The following CDKAL1 variants were observed in gnomAD, a reference collection of about 807,000 sequenced individuals.
The protein encoded by CDKAL1 is CDKAL1 threonylcarbamoyladenosine tRNA methylthiotransferase.
In CDKAL1, 32 loss-of-function variants were observed where a neutral mutation model predicts 68.2. The ratio of observed to expected loss-of-function variants is 0.47; its 90% CI spans 0.35 to 0.63. The LOEUF (loss-of-function observed/expected upper bound fraction) is 0.63, where lower values mean the gene tolerates loss of function less well. Ranked by LOEUF, CDKAL1 falls within the 30% of genes least tolerant of loss-of-function variation. CDKAL1 has a pLI of 0.00. For missense variants in CDKAL1, 606 were observed against 696.7 expected (o/e 0.87, Z 1.47); for synonymous variants, 234 against 244.3 (o/e 0.96, Z 0.39).
chr6:20,840,778 A>C (rs759879346), intron 8 of CDKAL1, among the ~76,000 whole-genome samples: 1 of 152,230 alleles, frequency 6.6e-6, no homozygotes, highest in African/African-American at 2.4e-5. Context: ...TGAAAGATCA[A>C]AAAGTAATTT....
At chr6:20,639,227 C>G (rs1768050300) in intron 4 of CDKAL1, among the ~76,000 whole-genome samples, 1 of 152,172 alleles carries the variant, frequency 6.6e-6, no homozygotes, top group South Asian at 2.1e-4. Flanking sequence ...GTTTCCTCAT[C>G]TTATTTCTAT....
At chr6:21,207,122 A>G (rs1778971600) in intron 15 of CDKAL1, among the ~76,000 whole-genome samples, 1 of 152,116 alleles carries the variant, frequency 6.6e-6, no homozygotes, top group Non-Finnish European at 1.5e-5. Context: ...CATGTTGGCC[A>G]GGCTGCTCTC....
At chr6:20,890,087 A>G (rs1046523579) in intron 9 of CDKAL1, among the ~76,000 whole-genome samples, 3 of 152,186 alleles carry the variant, frequency 2.0e-5, no homozygotes, top group African/African-American at 7.2e-5. Context: ...TCCATCAAAT[A>G]AAAACTTCTA....
At chr6:20,857,039 C>G (rs1296028375) in intron 9 of CDKAL1, among the ~76,000 whole-genome samples, 1 of 152,096 alleles carries the variant, frequency 6.6e-6, no homozygotes, top group East Asian at 1.9e-4. Context: ...GTAAGGCGAG[C>G]AAAATTTCCT....
chr6:20,803,968 T>C (rs898837495), intron 8 of CDKAL1, among the ~76,000 whole-genome samples: 1 of 152,024 alleles, frequency 6.6e-6, no homozygotes, highest in Non-Finnish European at 1.5e-5. Flanking sequence ...ATTTTCATTA[T>C]TTTTGGTCCT....
chr6:20,922,644 C>T (rs541787938), intron 9 of CDKAL1, among the ~76,000 whole-genome samples: 1 of 152,292 alleles, frequency 6.6e-6, no homozygotes, highest in Admixed American at 6.5e-5. Flanking sequence ...AGTCAAACGA[C>T]TCGTGTGTTT....
chr6:21,107,595 T>A (rs1358844388), intron 12 of CDKAL1, among the ~76,000 whole-genome samples: 1 of 151,140 alleles, frequency 6.6e-6, no homozygotes, highest in African/African-American at 2.4e-5. Flanking sequence ...ACCCAGCTAA[T>A]TTTTTTTTGT....
chr6:20,548,408 C>T (rs1227013947), intron 3 of CDKAL1, among the ~76,000 whole-genome samples, 185 bp from the exon 4 acceptor site: 3 of 151,950 alleles, frequency 2.0e-5, no homozygotes, highest in African/African-American at 7.3e-5. Context: ...TGGTGCATGA[C>T]TGTAGTCCCA....
intron 12 of CDKAL1, among the ~76,000 whole-genome samples, chr6:21,067,816 A>T (rs140929363): frequency 1.3e-5 from 2 of 152,248 alleles, no homozygotes; most frequent in East Asian, 3.9e-4. Context: ...TAAATTTGCA[A>T]TCCCAACAAC....
intron 15 of CDKAL1, among the ~76,000 whole-genome samples, chr6:21,203,002 G>T (rs890286920): frequency 1.3e-5 from 2 of 152,048 alleles, no homozygotes; most frequent in Non-Finnish European, 1.5e-5. Context: ...TAGGAATATT[G>T]ATTTGGGTAT....
chr6:20,589,727 C>T (rs189396308), intron 4 of CDKAL1, among the ~76,000 whole-genome samples: 2 of 152,186 alleles, frequency 1.3e-5, no homozygotes, highest in East Asian at 3.9e-4. Context: ...TAGTTTTTCT[C>T]ATATTTCAGT....
intron 10 of CDKAL1, among the ~76,000 whole-genome samples, chr6:20,990,769 G>GTCTTAT (rs1766748734): frequency 1.3e-5 from 2 of 152,184 alleles, no homozygotes; most frequent in Admixed American, 1.3e-4. Flanking sequence ...TATGTTTCTG[G>GTCTTAT]TCTTATTCTA....
chr6:21,021,341 T>G (rs1462528001), intron 11 of CDKAL1, among the ~76,000 whole-genome samples: 1 of 152,230 alleles, frequency 6.6e-6, no homozygotes, highest in East Asian at 1.9e-4. Flanking sequence ...AAATGATTGC[T>G]GCTACTTTTT....
intron 11 of CDKAL1, among the ~76,000 whole-genome samples, chr6:21,008,732 A>G (rs1475742575): frequency 6.6e-6 from 1 of 152,112 alleles, no homozygotes; most frequent in Non-Finnish European, 1.5e-5. Flanking sequence ...ACAACTCTGC[A>G]CCGTATATAT....
At chr6:20,618,066 T>A (rs1036482960) in intron 4 of CDKAL1, among the ~76,000 whole-genome samples, 23 of 152,182 alleles carry the variant, frequency 1.5e-4, no homozygotes. Context: ...CTCCACATCC[T>A]CTCTGGCATC....
intron 15 of CDKAL1, among the ~76,000 whole-genome samples, chr6:21,224,471 GCC>G (rs1779656237): frequency 6.6e-6 from 1 of 152,064 alleles, no homozygotes; most frequent in Admixed American, 6.5e-5. Flanking sequence ...CCGAGATTGC[GCC>G]ACTGTACTCC....
chr6:20,568,556 A>T (rs1196884087), intron 4 of CDKAL1, among the ~76,000 whole-genome samples: 1 of 151,130 alleles, frequency 6.6e-6, no homozygotes, highest in Non-Finnish European at 1.5e-5. Flanking sequence ...ACACGGTAAA[A>T]CCCCGTCTCT....
intron 13 of CDKAL1, among the ~76,000 whole-genome samples, chr6:21,175,352 G>C (rs1777537025): frequency 6.6e-6 from 1 of 152,084 alleles, no homozygotes; most frequent in Non-Finnish European, 1.5e-5. Context: ...TACTAAATTG[G>C]TTAGAATTAC....
intron 5 of CDKAL1, among the ~76,000 whole-genome samples, chr6:20,738,792 C>T (rs1027982073): frequency 6.6e-6 from 1 of 152,198 alleles, no homozygotes; most frequent in African/African-American, 2.4e-5. Flanking sequence ...AACCACTGCA[C>T]CCAATTACTT....
Sources: allele counts gnomAD v4.1 joint callset (sites outside exome capture counted in the v4.1 genomes callset), GRCh38; gene constraint gnomAD v4.1.1; transcripts MANE v1.5; gene names NCBI Gene and HGNC (gene_info 2026-07-23, HGNC 2026-07-21).